The following CDH12 variants were observed in gnomAD, a reference collection of about 807,000 sequenced individuals.
CDH12 encodes cadherin-12.
Under a neutral mutation model 74.1 loss-of-function variants are expected in CDH12, and 41 were observed. That is an observed-to-expected ratio of 0.55 (90% confidence interval 0.43 to 0.72). The LOEUF is 0.72. Ranked by LOEUF, CDH12 falls within the 30% of genes least tolerant of loss-of-function variation. CDH12 has a pLI of 0.00. For synonymous variants in CDH12, 399 were observed against 355.0 expected, an observed-to-expected ratio of 1.12 and a Z score of -1.39; for missense variants, 945 against 977.2, an observed-to-expected ratio of 0.97 and a Z score of 0.44.
intron 1 of CDH12, among the ~76,000 whole-genome samples, chr5:22,582,819 G>A (rs552080243): frequency 3.3e-5 from 5 of 152,186 alleles, no homozygotes; most frequent in South Asian, 2.1e-4. Context: ...TGGTCAAAAC[G>A]TCATCTGAAT....
chr5:22,763,616 C>A (rs1481743766), intron 1 of CDH12, among the ~76,000 whole-genome samples: 1 of 151,864 alleles, frequency 6.6e-6, no homozygotes. Context: ...TATATAGTGA[C>A]TTGTTTAGCC....
intron 2 of CDH12, among the ~76,000 whole-genome samples, chr5:22,442,150 A>T (rs567920722): frequency 1.1e-4 from 17 of 152,294 alleles, no homozygotes; most frequent in African/African-American, 3.8e-4. Flanking sequence ...CAGTCTGCGT[A>T]TAGCTTTGAG....
chr5:22,424,002 C>CAAAA (rs1165781089), intron 2 of CDH12, among the ~76,000 whole-genome samples: 596 of 31,270 alleles, frequency 0.019, no homozygotes, highest in Middle Eastern at 0.033. Flanking sequence ...GACTCTGTCT[C>CAAAA]AAAAAAAAAA....
At chr5:22,438,687 C>T (rs754276902) in intron 2 of CDH12, among the ~76,000 whole-genome samples, 32 of 151,950 alleles carry the variant, frequency 2.1e-4, no homozygotes, top group Non-Finnish European at 1.0e-4. Flanking sequence ...ATTTTCCCAT[C>T]TTTGCAGGAA....
At chr5:22,143,856 C>A (rs1379116632) in intron 4 of CDH12, 1 of 152,248 alleles carries the variant, frequency 6.6e-6, no homozygotes, top group African/African-American at 2.4e-5. Flanking sequence ...TTTGCATATA[C>A]TTCTGTTTGT....
intron 4 of CDH12, among the ~76,000 whole-genome samples, chr5:22,206,164 G>A (rs1751202772): frequency 6.6e-6 from 1 of 152,120 alleles, no homozygotes; most frequent in Non-Finnish European, 1.5e-5. Context: ...TCCACCCATG[G>A]CAGCCATGGG....
chr5:21,766,157 G>A (rs1357611807), intron 11 of CDH12, among the ~76,000 whole-genome samples: 3 of 151,794 alleles, frequency 2.0e-5, no homozygotes, highest in Admixed American at 6.6e-5. Context: ...CATTCCACAC[G>A]ACTGATTTTG....
At chr5:22,250,143 T>C (rs2150386881) in intron 3 of CDH12, among the ~76,000 whole-genome samples, 1 of 152,098 alleles carries the variant, frequency 6.6e-6, no homozygotes, top group African/African-American at 2.4e-5. Context: ...TTGAGCTAAG[T>C]ATGCACTGGA....
At chr5:22,429,657 G>C (rs1304841054) in intron 2 of CDH12, among the ~76,000 whole-genome samples, 1 of 152,046 alleles carries the variant, frequency 6.6e-6, no homozygotes, top group Non-Finnish European at 1.5e-5. Context: ...AACTAAACAT[G>C]AATTTATTAG....
At chr5:22,268,184 G>A (rs1736221373) in intron 3 of CDH12, among the ~76,000 whole-genome samples, 1 of 152,032 alleles carries the variant, frequency 6.6e-6, no homozygotes, top group Non-Finnish European at 1.5e-5. Flanking sequence ...ATGAAGCCAT[G>A]TATTACTTTG....
intron 3 of CDH12, among the ~76,000 whole-genome samples, chr5:22,332,765 G>A (rs1739403551): frequency 6.6e-6 from 1 of 152,128 alleles, no homozygotes; most frequent in Middle Eastern, 3.2e-3. Flanking sequence ...ACCATGATGA[G>A]ATACCATCTC....
At chr5:22,569,482 T>A (rs1320346857) in intron 1 of CDH12, among the ~76,000 whole-genome samples, 3 of 152,180 alleles carry the variant, frequency 2.0e-5, no homozygotes, top group Non-Finnish European at 2.9e-5. Context: ...ATTAAACCTC[T>A]TTTCATTATA....
At chr5:21,882,534 C>T (rs1752407654) in intron 6 of CDH12, 6 of 999,796 alleles carry the variant, frequency 6.0e-6, no homozygotes, top group Admixed American at 3.5e-5. Context: ...GTCCCTCACT[C>T]GCCGCCGACA....
At chr5:22,086,243 G>C (rs1743058929) in intron 4 of CDH12, among the ~76,000 whole-genome samples, 1 of 152,090 alleles carries the variant, frequency 6.6e-6, no homozygotes, top group African/African-American at 2.4e-5. Context: ...CATTAATCCT[G>C]CCTCTCTGGC....
intron 1 of CDH12, among the ~76,000 whole-genome samples, chr5:22,525,702 C>G (rs547158089): frequency 6.6e-6 from 1 of 152,180 alleles, no homozygotes; most frequent in East Asian, 1.9e-4. Context: ...GCCATAGGCT[C>G]CCCCTCAGAG....
At chr5:22,203,433 T>C (rs187312064) in intron 4 of CDH12, among the ~76,000 whole-genome samples, 1,887 of 152,302 alleles carry the variant, frequency 0.012, 22 homozygotes, top group Middle Eastern at 0.017. Context: ...TCTCATTCTA[T>C]TTTATGGCTG....
intron 5 of CDH12, among the ~76,000 whole-genome samples, chr5:22,076,644 C>T (rs2150223320): frequency 6.6e-6 from 1 of 152,174 alleles, no homozygotes; most frequent in African/African-American, 2.4e-5. Flanking sequence ...ATAGGAGAAC[C>T]ACATGAAATT....
At chr5:21,840,560 C>T (rs1176169910) in intron 8 of CDH12, among the ~76,000 whole-genome samples, 1 of 151,874 alleles carries the variant, frequency 6.6e-6, no homozygotes, top group Non-Finnish European at 1.5e-5. Context: ...CAATCCTAAG[C>T]CAAAAGAACA....
chr5:22,552,666 A>T (rs1738626315), intron 1 of CDH12, among the ~76,000 whole-genome samples: 1 of 152,110 alleles, frequency 6.6e-6, no homozygotes, highest in Middle Eastern at 3.2e-3. Context: ...TAACCTCGTG[A>T]TCTGCCCACC....
Sources: gnomAD v4.1 joint callset for allele counts (sites outside exome capture counted in the v4.1 genomes callset) on GRCh38, gnomAD v4.1.1 for gene constraint, MANE v1.5 for transcripts, NCBI Gene and HGNC (gene_info 2026-07-23, HGNC 2026-07-21) for gene names.